Variants in TMEM131 observed in about 807,000 individuals in gnomAD.
TMEM131 encodes transmembrane protein 131, also known as 2610524E03Rik.
Under a neutral mutation model 211.6 loss-of-function variants are expected in TMEM131, and 66 were observed. The ratio of observed to expected loss-of-function variants is 0.31; its 90% CI spans 0.26 to 0.38. The LOEUF is 0.38. TMEM131 is among the 10% of genes least tolerant of loss of function. The pLI, the probability that TMEM131 is intolerant of heterozygous loss-of-function variation, is 1.00. For synonymous variants in TMEM131, 844 were observed against 841.3 expected (o/e 1.00, Z -0.06); for missense variants, 2,036 against 2,299.3 (o/e 0.89, Z 2.34).
chr2:97,951,068 G>C (rs1242069021), intron 1 of TMEM131, among the ~76,000 whole-genome samples: 2 of 152,098 alleles, frequency 1.3e-5, no homozygotes, highest in Non-Finnish European at 2.9e-5. Flanking sequence ...AACAGAAGCA[G>C]AGAGCAGAAT....
In TMEM131 at chr2:97,790,133, G is replaced by A. The variant is rs150081938; in HGVS notation, c.4144+2253C>T. Reference sequence around the variant, plus strand: ...GAATGTTACTATTTAATGTAAATCTGCTATTTGCAGGGGTGTGGGGGTAGG... The same window carrying A: ...GAATGTTACTATTTAATGTAAATCTACTATTTGCAGGGGTGTGGGGGTAGG... On this transcript the variant is annotated intron_variant, in intron 31 of 40. Transcript: ENST00000186436. Among the ~76,000 whole-genome samples the A allele has an allele frequency of 3.2e-3, 484 of 152,292 alleles. 2 individuals are homozygous for A. Among genetic ancestry groups the A allele is most frequent in the African/African-American group, 0.011 (462 of 41,560 alleles).
chr2:97,969,297 T>C (rs1233870303), intron 1 of TMEM131, among the ~76,000 whole-genome samples: 2 of 151,988 alleles, frequency 1.3e-5, no homozygotes. Context: ...AGGGTAAGGG[T>C]GTGTGTGCTT....
intron 2 of TMEM131, among the ~76,000 whole-genome samples, chr2:97,925,643 T>G (rs572792453): frequency 6.6e-6 from 1 of 152,344 alleles, no homozygotes; most frequent in East Asian, 1.9e-4. Flanking sequence ...TGGTACTTAC[T>G]GGACACTGAA....
At chr2:97,940,808 CAAAA>C (rs1261852020) in intron 1 of TMEM131, among the ~76,000 whole-genome samples, 3 of 86,132 alleles carry the variant, frequency 3.5e-5, no homozygotes, top group Non-Finnish European at 4.8e-5. Flanking sequence ...GACTCCATCT[CAAAA>C]AAAAAAAAAA....
At chr2:97,855,097 A>T (rs1028911783) in intron 5 of TMEM131, among the ~76,000 whole-genome samples, 7 of 152,226 alleles carry the variant, frequency 4.6e-5, no homozygotes, top group Admixed American at 3.9e-4. Flanking sequence ...GTAAAAACAA[A>T]AGTGCCTGGC....
At chr2:97,786,564 A>G (rs1680256933) in intron 31 of TMEM131, among the ~76,000 whole-genome samples, 1 of 152,126 alleles carries the variant, frequency 6.6e-6, no homozygotes, top group African/African-American at 2.4e-5. Flanking sequence ...TTATTGACAA[A>G]AACATTTGTC....
chr2:97,983,863 A>G (rs1304447468), intron 1 of TMEM131, among the ~76,000 whole-genome samples: 3 of 152,212 alleles, frequency 2.0e-5, no homozygotes, highest in South Asian at 2.1e-4. Context: ...TGCTGTAATG[A>G]TTGTCTCAAA....
intron 1 of TMEM131, among the ~76,000 whole-genome samples, chr2:97,970,638 C>G (rs532013457): frequency 5.3e-4 from 80 of 152,304 alleles, no homozygotes; most frequent in African/African-American, 1.9e-3. Flanking sequence ...CACAAACCAG[C>G]CTGGTGGAAG....
intron 3 of TMEM131, 118 bp from the exon 4 acceptor site, chr2:97,888,238 A>G: frequency 1.5e-6 from 1 of 681,338 alleles, no homozygotes; most frequent in Non-Finnish European, 2.4e-6. Context: ...AATTGGGTCT[A>G]ACAATCTATC....
At chr2:97,919,525 G>A (rs1676649958) in intron 2 of TMEM131, among the ~76,000 whole-genome samples, 1 of 152,142 alleles carries the variant, frequency 6.6e-6, no homozygotes, top group South Asian at 2.1e-4. Flanking sequence ...CTTCTTTGAA[G>A]GTCTCTCTTT....
chr2:97,897,702 T>C (rs1675673076), intron 3 of TMEM131, among the ~76,000 whole-genome samples: 2 of 152,188 alleles, frequency 1.3e-5, no homozygotes, highest in Non-Finnish European at 2.9e-5. Context: ...CGCTTCTAGC[T>C]TTCTTTAATG....
intron 33 of TMEM131, among the ~76,000 whole-genome samples, chr2:97,771,042 A>C (rs983044585): frequency 6.6e-6 from 1 of 152,050 alleles, no homozygotes; most frequent in Admixed American, 6.5e-5. Flanking sequence ...CTCAGGAGAG[A>C]TCCAAGTATG....
At chr2:97,917,120 A>C (rs1190853235) in intron 2 of TMEM131, among the ~76,000 whole-genome samples, 1 of 152,188 alleles carries the variant, frequency 6.6e-6, no homozygotes, top group African/African-American at 2.4e-5. Context: ...AGAAGTTGGT[A>C]ATCTATTAGC....
chr2:97,854,300 C>T (rs1470214027), intron 5 of TMEM131, among the ~76,000 whole-genome samples: 1 of 152,186 alleles, frequency 6.6e-6, no homozygotes, highest in African/African-American at 2.4e-5. Context: ...AGACACAATG[C>T]TACTGCACTT....
At chr2:97,856,516 CT>C (rs1386074264) in intron 5 of TMEM131, among the ~76,000 whole-genome samples, 3 of 152,106 alleles carry the variant, frequency 2.0e-5, no homozygotes, top group Non-Finnish European at 4.4e-5. Context: ...GTATTTCCTA[CT>C]TTTTGGTTAA....
chr2:97,990,330 G>C (rs1308397522), intron 1 of TMEM131, among the ~76,000 whole-genome samples: 1 of 150,536 alleles, frequency 6.6e-6, no homozygotes, highest in Admixed American at 6.6e-5. Context: ...AAAAAAAAAA[G>C]TACATTTTAC....
chr2:97,994,298 C>T (rs1168544166), intron 1 of TMEM131, among the ~76,000 whole-genome samples: 1 of 152,186 alleles, frequency 6.6e-6, no homozygotes, highest in East Asian at 1.9e-4. Flanking sequence ...ATCAATTAAT[C>T]CTTTCTATAG....
At chr2:97,943,046 AAAGAAAG>A (rs1559464500) in intron 1 of TMEM131, among the ~76,000 whole-genome samples, 4,020 of 100,404 alleles carry the variant, frequency 0.04, 156 homozygotes, top group Middle Eastern at 0.091. Flanking sequence ...GAAAAGAAAG[AAAGAAAG>A]AAAGAAAGAA....
intron 3 of TMEM131, among the ~76,000 whole-genome samples, chr2:97,893,169 G>T (rs545794398): frequency 6.6e-6 from 1 of 152,282 alleles, no homozygotes; most frequent in African/African-American, 2.4e-5. Context: ...GTGTTAGTTT[G>T]CTGAGAATGA....
Sources: allele counts gnomAD v4.1 joint callset (sites outside exome capture counted in the v4.1 genomes callset), GRCh38; gene constraint gnomAD v4.1.1; transcripts MANE v1.5; gene names NCBI Gene and HGNC (gene_info 2026-07-23, HGNC 2026-07-21).